KNDC1: variants seen among roughly 807,000 people sequenced by gnomAD.
The protein encoded by KNDC1 is kinase non-catalytic C-lobe domain containing 1.
KNDC1 carries 106 observed loss-of-function variants against 172.8 expected under a neutral mutation model. That is an observed-to-expected ratio of 0.61 (90% CI 0.52 to 0.72). KNDC1 has a LOEUF of 0.72. Ranked by LOEUF, KNDC1 falls within the 30% of genes least tolerant of loss-of-function variation. The pLI is 0.00. For missense variants in KNDC1, 2,325 were observed against 2,394.5 expected, an observed-to-expected ratio of 0.97 and a Z score of 0.61; for synonymous variants, 1,083 against 1,062.2, an observed-to-expected ratio of 1.02 and a Z score of -0.38.
At chr10:133,161,196 G>A (rs1852958028) in intron 1 of KNDC1, among the ~76,000 whole-genome samples, 1 of 152,180 alleles carries the variant, frequency 6.6e-6, no homozygotes. Flanking sequence ...TGACCCTGTA[G>A]CTCAGCTCTG....
chr10:133,162,789 G>A (rs1853019247), intron 1 of KNDC1, among the ~76,000 whole-genome samples: 1 of 152,262 alleles, frequency 6.6e-6, no homozygotes, highest in Admixed American at 6.5e-5. Context: ...AAACAGCCCA[G>A]CATTCGCTGG....
At chr10:133,213,426 C>T (rs903121540) in intron 24 of KNDC1, among the ~76,000 whole-genome samples, 1 of 152,220 alleles carries the variant, frequency 6.6e-6, no homozygotes, top group Non-Finnish European at 1.5e-5. Context: ...TCTAGTGATC[C>T]ACCTGCTGTC....
intron 29 of KNDC1, among the ~76,000 whole-genome samples, chr10:133,222,111 A>T (rs67138405): frequency 1.1e-5 from 1 of 89,070 alleles, no homozygotes; most frequent in African/African-American, 3.6e-5. Context: ...GTGAAACCCC[A>T]TCTCTACTAA....
rs149690270 is a variant in KNDC1 at position 133,205,558 on chromosome 10, C to T, written c.3388-1127C>T. Among the ~76,000 whole-genome samples, 818 of 152,358 alleles carry T rather than the reference C, an allele frequency of 5.4e-3. 12 individuals are homozygous for T. Among genetic ancestry groups the T allele is most frequent in the African/African-American group, 0.018 (768 of 41,586 alleles). ...CACCCAAGGGCTGGGGCAAACGCTG[C>T]GGCCGCCGCCCAGCAAACCACGATG... On this transcript the variant is annotated intron_variant, in intron 17 of 29. Transcript: ENST00000304613.
chr10:133,177,625 G>A (rs1157009989), intron 3 of KNDC1, among the ~76,000 whole-genome samples: 1 of 152,106 alleles, frequency 6.6e-6, no homozygotes, highest in East Asian at 1.9e-4. Context: ...TGCACATAGT[G>A]TGTTGTGAGC....
rs1413637386 is a variant in KNDC1 at position 133,213,675 on chromosome 10, T to C, written c.4474T>C (p.Phe1492Leu). Reference sequence around the variant, plus strand: ...GTTTCAAAAGTGCCACCCGGTCCACTTCCTGAACTCACGGGCCCTGGGCGT... The same window carrying C: ...GTTTCAAAAGTGCCACCCGGTCCACCTCCTGAACTCACGGGCCCTGGGCGT... ...ELFQKCHPVH[F>L]LNSRALGVMD... The change falls in exon 25 of 30, where the codon TTC becomes CTC. Residue 1492 changes from phenylalanine (F) to leucine (L), a missense_variant. By Grantham distance (22) the Phe-to-Leu change is conservative. Transcript: ENST00000304613. 1 of 1,614,088 alleles carries C rather than the reference T, an allele frequency of 6.2e-7. No homozygotes were observed. The highest frequency in any genetic ancestry group is 8.5e-7 in the Non-Finnish European group (1 of 1,179,982).
At chr10:133,169,734 C>A (rs556077921) in intron 3 of KNDC1, among the ~76,000 whole-genome samples, 3 of 152,248 alleles carry the variant, frequency 2.0e-5, no homozygotes, top group Middle Eastern at 3.4e-3. Context: ...TGGCTGTGAA[C>A]GCAGCGCATG....
At chr10:133,200,294 G>A (rs1854323031) in intron 15 of KNDC1, 81 bp from the exon 16 acceptor site, 1 of 1,080,388 alleles carries the variant, frequency 9.3e-7, no homozygotes, top group Admixed American at 3.2e-5. Flanking sequence ...AGACGTGTGG[G>A]CCTGTGGGCC....
At position 133,197,390 on chromosome 10, in the gene KNDC1, C is replaced by T. The variant is rs113289462; in HGVS notation, c.1812+255C>T. Among the ~76,000 whole-genome samples the T allele has an allele frequency of 4.6e-3, 697 of 152,274 alleles. 6 individuals carry two copies. Among genetic ancestry groups the T allele is most frequent in the African/African-American group, 0.016 (657 of 41,548 alleles). The stretch of plus-strand genomic sequence containing the variant: ...ACGGCGGCCCAGCACCCACCCCGGG[C>T]GCAGAGAGCTTTGGGAGTGTGGGCC... On this transcript the variant is annotated intron_variant, in intron 11 of 29. Coordinates refer to ENST00000304613, the MANE Select transcript of KNDC1 (RefSeq NM_152643.8).
At chr10:133,223,740 TGA>T (rs1213474641) in intron 29 of KNDC1, among the ~76,000 whole-genome samples, 6 of 83,496 alleles carry the variant, frequency 7.2e-5, no homozygotes, top group Non-Finnish European at 1.1e-4. Flanking sequence ...TGTGTGTGTG[TGA>T]GAGCCCATCC....
At chr10:133,169,617 C>T (rs891796234) in intron 3 of KNDC1, among the ~76,000 whole-genome samples, 3 of 152,244 alleles carry the variant, frequency 2.0e-5, no homozygotes, top group Non-Finnish European at 4.4e-5. Flanking sequence ...CCCCAGCGTC[C>T]AGAACCCAAC....
Position 133,186,694 on chromosome 10 carries a change from G to A in KNDC1, c.1326+20G>A. ...GAGCAGGTGGGTGCCTGGGTCTTGT[G>A]TGTGGGTGGAGGGGTCGGCGGTCAG... On this transcript the variant is annotated intron_variant, in intron 6 of 29. Transcript: ENST00000304613. The A allele has an allele frequency of 6.5e-7, 1 of 1,547,372 alleles. No homozygotes were observed. Among genetic ancestry groups the A allele is most frequent in the Non-Finnish European group, 8.7e-7 (1 of 1,154,586 alleles).
chr10:133,211,300 G>T, intron 21 of KNDC1, 122 bp from the exon 22 acceptor site: 1 of 689,808 alleles, frequency 1.4e-6, no homozygotes, highest in Non-Finnish European at 2.1e-6. Context: ...AGCCCCCTAA[G>T]CCCCCTGCAC....
At chr10:133,165,309 C>T (rs1040574156) in intron 1 of KNDC1, among the ~76,000 whole-genome samples, 2 of 152,206 alleles carry the variant, frequency 1.3e-5, no homozygotes, top group African/African-American at 2.4e-5. Context: ...CATCACCAGG[C>T]ATCTCCCCTC....
chr10:133,167,294 C>T, intron 1 of KNDC1, 87 bp from the exon 2 acceptor site: 1 of 1,324,176 alleles, frequency 7.6e-7, no homozygotes. Flanking sequence ...CACGAGTCGT[C>T]CGTTTCCCCA....
At chr10:133,166,965 AGCTCT>A (rs1853181336) in intron 1 of KNDC1, among the ~76,000 whole-genome samples, 1 of 152,152 alleles carries the variant, frequency 6.6e-6, no homozygotes, top group Non-Finnish European at 1.5e-5. Context: ...ACGCCCCGTT[AGCTCT>A]GCACGAGTCC....
intron 20 of KNDC1, among the ~76,000 whole-genome samples, chr10:133,208,959 C>T (rs1057176035): frequency 1.7e-4 from 25 of 151,392 alleles, no homozygotes; most frequent in Admixed American, 3.3e-4. Flanking sequence ...GCATGTGTGG[C>T]GTGGGGTATA....
At chr10:133,201,415 A>AGG (rs1854360556) in intron 16 of KNDC1, 86 bp from the exon 17 acceptor site, 34 of 1,398,960 alleles carry the variant, frequency 2.4e-5, no homozygotes, top group Non-Finnish European at 9.7e-7. Context: ...CGGGTGTGCA[A>AGG]GCACCACCGG....
chr10:133,163,591 T>C lies in KNDC1; in HGVS notation c.102+3022T>C, dbSNP rs1853048312. Among the ~76,000 whole-genome samples the C allele has an allele frequency of 6.6e-6, 1 of 152,116 alleles. No homozygotes were observed. Among genetic ancestry groups the C allele is most frequent in the Non-Finnish European group, 1.5e-5 (1 of 68,026 alleles). The stretch of plus-strand genomic sequence containing the variant: ...TCCCAGCTGTGATTGGAGTTTTGTA[T>C]TAGTCCTGTTAGAATCCCACGGCTG... On this transcript the variant is annotated intron_variant, in intron 1 of 29. Coordinates refer to ENST00000304613, the MANE Select transcript of KNDC1 (RefSeq NM_152643.8). This position sits in a 1 kb window ranked among gnomAD's most constrained non-coding sequence, Gnocchi z 4.4.
Sources: allele counts gnomAD v4.1 joint callset (sites outside exome capture counted in the v4.1 genomes callset), GRCh38; gene constraint gnomAD v4.1.1; non-coding constraint Gnocchi (gnomAD v3.1); transcripts MANE v1.5; gene names NCBI Gene and HGNC (gene_info 2026-07-23, HGNC 2026-07-21).